The following PRUNE2 variants were observed in gnomAD, a reference collection of about 807,000 sequenced individuals.
PRUNE2 encodes protein prune homolog 2.
In PRUNE2, 164 loss-of-function variants were observed where a neutral mutation model predicts 252.0. That is an observed-to-expected ratio of 0.65 (90% CI 0.57 to 0.74). PRUNE2 has a LOEUF of 0.74. Among genes scored for constraint, PRUNE2 ranks in the 30% least tolerant of loss-of-function variants. The probability of loss-of-function intolerance (pLI) is 0.00; values close to 1 mark genes in which losing one functional copy is unlikely to be tolerated. For missense variants in PRUNE2, 3,495 were observed against 3,711.0 expected, an observed-to-expected ratio of 0.94 and a Z score of 1.51; for synonymous variants, 1,292 against 1,350.2, an observed-to-expected ratio of 0.96 and a Z score of 0.94.
chr9:76,614,846 A>G (rs1378435264), intron 18 of PRUNE2, among the ~76,000 whole-genome samples: 1 of 152,236 alleles, frequency 6.6e-6, no homozygotes. Context: ...CACCTTTTCA[A>G]AATGATCCAG....
Position 76,846,589 on chromosome 9 carries a change from G to C in PRUNE2, c.434C>G (p.Ser145Cys), listed in dbSNP as rs766626674. Residue 145 changes from serine (S) to cysteine (C), a missense_variant, in exon 4 of 19, where the codon TCT (serine) becomes TGT (cysteine). Coordinates refer to ENST00000376718, the MANE Select transcript of PRUNE2 (RefSeq NM_015225.3). ...GAGAATCTCCTTTAGCACGAGAGAA[G>C]AGGAAGACTCTCGGAACTCAACGTT... is the stretch of plus-strand genomic sequence containing the variant. ...DANVEFRESSSSLVLKEILQE... is the reference protein window; with the variant it reads ...DANVEFRESSCSLVLKEILQE... The C allele has an allele frequency of 6.2e-7, 1 of 1,613,900 alleles. No individual in the cohort carries two copies. Among genetic ancestry groups the C allele is most frequent in the Non-Finnish European group, 8.5e-7 (1 of 1,179,744 alleles).
At chr9:76,630,162 C>A (rs1836849866) in intron 15 of PRUNE2, among the ~76,000 whole-genome samples, 1 of 151,212 alleles carries the variant, frequency 6.6e-6, no homozygotes, top group Admixed American at 6.6e-5. Context: ...AAACAAAAAT[C>A]TTACCATTAG....
intron 4 of PRUNE2, among the ~76,000 whole-genome samples, chr9:76,834,143 A>G (rs535777310): frequency 1.8e-4 from 27 of 152,168 alleles, no homozygotes; most frequent in Admixed American, 1.1e-3. Flanking sequence ...TCAGCCTCCC[A>G]AGGTGCTGGG....
intron 6 of PRUNE2, among the ~76,000 whole-genome samples, chr9:76,731,468 CA>C (rs2048601335): frequency 6.6e-6 from 1 of 151,846 alleles, no homozygotes; most frequent in Non-Finnish European, 1.5e-5. Flanking sequence ...ACTGCAGGCA[CA>C]CACCACTATA....
chr9:76,687,708 CG>C, intron 9 of PRUNE2: 1 of 294,794 alleles, frequency 3.4e-6, no homozygotes, highest in Non-Finnish European at 7.2e-6. Context: ...GTGTTAGCCT[CG>C]GGGGAGGCTG....
chr9:76,826,850 G>T, intron 4 of PRUNE2, 118 bp from the exon 5 acceptor site: 1 of 791,120 alleles, frequency 1.3e-6, no homozygotes, highest in Non-Finnish European at 2.0e-6. Flanking sequence ...CTCTCACCTG[G>T]ACCAGAGTCC....
At chr9:76,829,042 C>G (rs2058515821) in intron 4 of PRUNE2, among the ~76,000 whole-genome samples, 1 of 151,106 alleles carries the variant, frequency 6.6e-6, no homozygotes, top group South Asian at 2.1e-4. Flanking sequence ...AAAAATTCCC[C>G]TCTTTATTAA....
At chr9:76,830,188 T>C (rs190415105) in intron 4 of PRUNE2, among the ~76,000 whole-genome samples, 2 of 152,030 alleles carry the variant, frequency 1.3e-5, no homozygotes, top group Admixed American at 1.3e-4. Context: ...GAAAAAGCGA[T>C]GAAAAATACA....
rs185192498 is a variant in PRUNE2, at chr9:76,660,512, G to C, written c.8277-5010C>G. Among the ~76,000 whole-genome samples the C allele has an allele frequency of 1.7e-4, 26 of 152,160 alleles. No homozygotes were observed. The East Asian group carries it at 4.8e-3, about 28-fold the overall frequency. On this transcript the variant is annotated intron_variant, in intron 9 of 18. Transcript: ENST00000376718. ...AAAGAATCAGATGTGGGCCAGGCAC[G>C]GTGGCTCACGCCTGTAATCCCAACA... is the stretch of plus-strand genomic sequence containing the variant.
intron 2 of PRUNE2, among the ~76,000 whole-genome samples, chr9:76,853,400 A>G (rs931101792): frequency 6.6e-6 from 1 of 152,190 alleles, no homozygotes; most frequent in African/African-American, 2.4e-5. Context: ...CATAACATAC[A>G]TTTTTAGGCT....
At chr9:76,666,761 T>C (rs1367197709) in intron 9 of PRUNE2, among the ~76,000 whole-genome samples, 3 of 152,178 alleles carry the variant, frequency 2.0e-5, no homozygotes, top group African/African-American at 4.8e-5. Flanking sequence ...TTTTATCTCT[T>C]TGTCTTGTGT....
chr9:76,868,786 G>C (rs1241094835), intron 1 of PRUNE2: 1 of 125,914 alleles, frequency 7.9e-6, no homozygotes, highest in African/African-American at 3.0e-5. Flanking sequence ...TCATTTTATT[G>C]AAAAAAATTG....
intron 6 of PRUNE2, chr9:76,759,769 A>G (rs2130693846): frequency 6.6e-6 from 1 of 152,424 alleles, no homozygotes; most frequent in South Asian, 2.1e-4. Context: ...TTAACACTTA[A>G]GCCATCTGTG....
chr9:76,847,469 A>T (rs2059730933), intron 3 of PRUNE2, among the ~76,000 whole-genome samples: 1 of 146,256 alleles, frequency 6.8e-6, no homozygotes, highest in African/African-American at 2.8e-5. Context: ...AAAGTATTTA[A>T]AAAAAAAACT....
rs1411599662 is a variant in PRUNE2 at position 76,704,046 on chromosome 9, C to G, written c.7567G>C (p.Glu2523Gln). Residue 2523 changes from glutamate to glutamine, a missense_variant, in exon 9 of 19, where the codon GAG (glutamate) becomes CAG (glutamine). Transcript: ENST00000376718. ...TATTCTGATTTTATCTGCTCAGGCT[C>G]TTTGGTAGGAATTGTTTTTTCTTCT... ...LEEEKTIPTK[E>Q]PEQIKSEYKE... The G allele has an allele frequency of 1.1e-5, 17 of 1,606,258 alleles. No individual in the cohort carries two copies. Among genetic ancestry groups the G allele is most frequent in the Non-Finnish European group, 1.4e-5 (17 of 1,178,006 alleles).
chr9:76,729,138 G>A (rs2048355620), intron 6 of PRUNE2, among the ~76,000 whole-genome samples: 1 of 152,198 alleles, frequency 6.6e-6, no homozygotes, highest in African/African-American at 2.4e-5. Flanking sequence ...CTCAGGTTTG[G>A]AGAAAGTGTG....
chr9:76,687,011 G>T (rs578250173), intron 9 of PRUNE2, among the ~76,000 whole-genome samples: 121 of 152,274 alleles, frequency 7.9e-4, no homozygotes, highest in Non-Finnish European at 1.4e-3. Flanking sequence ...AAAGTGTCAG[G>T]ACTACAGGCA....
chr9:76,644,503 A>T (rs910609481), intron 12 of PRUNE2: 2 of 619,382 alleles, frequency 3.2e-6, no homozygotes, highest in Non-Finnish European at 5.9e-6. Flanking sequence ...TCGCTATCAG[A>T]TATGTAGCAT....
At chr9:76,693,991 G>A (rs1445520817) in intron 9 of PRUNE2, among the ~76,000 whole-genome samples, 1 of 152,122 alleles carries the variant, frequency 6.6e-6, no homozygotes, top group Admixed American at 6.6e-5. Context: ...ATCATTAGGG[G>A]AGAAAAAATA....
Sources: allele counts gnomAD v4.1 joint callset (sites outside exome capture counted in the v4.1 genomes callset), GRCh38; gene constraint gnomAD v4.1.1; transcripts MANE v1.5; gene names NCBI Gene and HGNC (gene_info 2026-07-23, HGNC 2026-07-21).